The following STMP1 variants were observed in gnomAD, a reference collection of about 807,000 sequenced individuals.
STMP1 encodes the protein mitolamban.
A neutral mutation model predicts 7.0 loss-of-function variants in STMP1; 7 were observed. That is an observed-to-expected ratio of 1.01 (90% CI 0.57 to 1.89). The LOEUF is 1.89. STMP1 is among the 40% of genes most tolerant of loss of function. The probability of loss-of-function intolerance (pLI) is 0.00; values close to 1 mark genes in which losing one functional copy is unlikely to be tolerated. For synonymous variants in STMP1, 19 were observed against 18.4 expected (o/e 1.03, Z -0.08); for missense variants, 45 against 53.0 (o/e 0.85, Z 0.47).
intron 2 of STMP1, 35 bp from the exon 3 acceptor site, chr7:135,674,056 A>G (rs1334882873): frequency 9.6e-6 from 13 of 1,359,254 alleles, no homozygotes; most frequent in Non-Finnish European, 1.3e-5. Flanking sequence ...GATTAGGTAG[A>G]TGCAAAATTA....
intron 1 of STMP1, among the ~76,000 whole-genome samples, chr7:135,671,946 T>G (rs1795360689): frequency 6.6e-6 from 1 of 152,214 alleles, no homozygotes; most frequent in African/African-American, 2.4e-5. Context: ...GAAGAGTCCC[T>G]TCATTCTCTG....
In STMP1 at chr7:135,676,400, G is replaced by A. The variant is rs552164370; in HGVS notation, c.*2235G>A. The A allele has an allele frequency of 6.6e-6, 1 of 152,312 alleles. No homozygotes were observed. Among genetic ancestry groups the A allele is most frequent in the Admixed American group, 6.5e-5 (1 of 15,294 alleles). 9.4% of individuals were successfully genotyped at this position (152,312 alleles called of 1,614,324 possible). ...TGCTTTGCAGACTATCTAATAAATA[G>A]TAGCTATTAGTACAAACTTGTTGCT... On this transcript the variant is annotated 3_prime_UTR_variant, in exon 3 of 3. Coordinates refer to ENST00000507606, the MANE Select transcript of STMP1 (RefSeq NM_001130929.2).
intron 2 of STMP1, 53 bp downstream of exon 2, chr7:135,672,859 A>G: frequency 6.9e-7 from 1 of 1,457,100 alleles, no homozygotes; most frequent in Non-Finnish European, 9.4e-7. Context: ...TTTTAGAGTG[A>G]CTTTTCTTTG....
rs1042294159 is a variant in STMP1, at chr7:135,674,970, A to G, written c.*805A>G. 2 of 152,186 alleles carry G rather than the reference A, an allele frequency of 1.3e-5. No homozygotes were observed. Among genetic ancestry groups the G allele is most frequent in the African/African-American group, 4.8e-5 (2 of 41,446 alleles). 9.4% of individuals were successfully genotyped at this position (152,186 alleles called of 1,614,324 possible). On this transcript the variant is annotated 3_prime_UTR_variant, in exon 3 of 3. Coordinates refer to ENST00000507606, the MANE Select transcript of STMP1 (RefSeq NM_001130929.2). ...TATACCTTTTCACATTAAAAAAGGT[A>G]TTTATATTATTACTTTGTAGTGATT... is the stretch of plus-strand genomic sequence containing the variant.
chr7:135,667,588 C>G (rs1422488307), intron 1 of STMP1, among the ~76,000 whole-genome samples: 3 of 152,172 alleles, frequency 2.0e-5, no homozygotes, highest in Non-Finnish European at 4.4e-5. Context: ...GATACACATC[C>G]CTTATCAGAT....
chr7:135,668,338 G>A (rs909476125), intron 1 of STMP1, among the ~76,000 whole-genome samples: 4 of 152,166 alleles, frequency 2.6e-5, no homozygotes, highest in Admixed American at 6.5e-5. Flanking sequence ...TATAGGTACC[G>A]GGAGAGTGCT....
chr7:135,670,037 G>C (rs1484251272), intron 1 of STMP1, among the ~76,000 whole-genome samples: 3 of 152,138 alleles, frequency 2.0e-5, no homozygotes, highest in Non-Finnish European at 4.4e-5. Context: ...GGGGCTCTTA[G>C]CTCCAGTATC....
chr7:135,664,844 C>T (rs977134626), intron 1 of STMP1, among the ~76,000 whole-genome samples: 9 of 152,100 alleles, frequency 5.9e-5, no homozygotes, highest in African/African-American at 2.2e-4. Context: ...TGTGTGCAGT[C>T]ATTTCATCTA....
At chr7:135,671,039 T>G (rs752249899) in intron 1 of STMP1, among the ~76,000 whole-genome samples, 5 of 152,196 alleles carry the variant, frequency 3.3e-5, no homozygotes, top group Admixed American at 6.5e-5. Flanking sequence ...TCTCTTCTTT[T>G]AAGCAAATTT....
At chr7:135,665,271 C>T (rs912478896) in intron 1 of STMP1, among the ~76,000 whole-genome samples, 9 of 152,160 alleles carry the variant, frequency 5.9e-5, no homozygotes, top group Non-Finnish European at 1.5e-5. Context: ...TAAGATGTTT[C>T]TCCTACAGTT....
intron 1 of STMP1, among the ~76,000 whole-genome samples, chr7:135,667,025 A>G (rs1374522317): frequency 1.3e-5 from 2 of 152,228 alleles, no homozygotes; most frequent in Non-Finnish European, 1.5e-5. Context: ...ATCCTCGCCA[A>G]CATTTCGTGT....
intron 1 of STMP1, among the ~76,000 whole-genome samples, chr7:135,669,490 C>A (rs73721677): frequency 0.12 from 17,984 of 152,134 alleles, 1,260 homozygotes; most frequent in East Asian, 0.19. Flanking sequence ...TCTCTAAGGG[C>A]AGAGATCATT....
intron 1 of STMP1, among the ~76,000 whole-genome samples, chr7:135,667,344 T>C (rs1795306136): frequency 6.6e-6 from 1 of 152,202 alleles, no homozygotes; most frequent in African/African-American, 2.4e-5. Context: ...CCCGAGTAGC[T>C]GGGACTACAG....
intron 1 of STMP1, 51 bp from the exon 2 acceptor site, chr7:135,672,702 C>G: frequency 7.3e-7 from 1 of 1,363,942 alleles, no homozygotes; most frequent in Non-Finnish European, 1.0e-6. Flanking sequence ...TGGAATCAGA[C>G]TGGCACAGGA....
intron 2 of STMP1, 199 bp downstream of exon 2, chr7:135,673,005 A>G: frequency 1.8e-6 from 1 of 571,118 alleles, no homozygotes; most frequent in Non-Finnish European, 3.1e-6. Flanking sequence ...ATATCACCAC[A>G]AGAGGGCAAA....
intron 1 of STMP1, among the ~76,000 whole-genome samples, 191 bp downstream of exon 1, chr7:135,662,785 A>G (rs1174669579): frequency 6.6e-6 from 1 of 152,178 alleles, no homozygotes; most frequent in African/African-American, 2.4e-5. Context: ...TCCCTTTGCC[A>G]ATATTTTTCT....
intron 1 of STMP1, among the ~76,000 whole-genome samples, chr7:135,663,910 C>T (rs1000224094): frequency 3.9e-5 from 6 of 152,260 alleles, no homozygotes; most frequent in African/African-American, 1.4e-4. Context: ...TCCCAAAGTG[C>T]TGGGATTACA....
rs1239594309 is a variant in STMP1, at chr7:135,672,683, A to G, written c.16-70A>G. 9.7e-6 allele frequency: 11 copies of G among 1,128,460 alleles called. No homozygotes were observed. In the East Asian group the frequency reaches 1.5e-4, roughly 16 times the overall value. The allele number at this position is 1,128,460 out of a possible 1,614,324, so 69.9% of individuals were successfully genotyped here. A position where few individuals can be genotyped will look rare whatever the true frequency, so the allele number is the denominator to read the frequency against. On this transcript the variant is annotated intron_variant, in intron 1 of 2. Transcript: ENST00000507606. Reference sequence around the variant, plus strand: ...CTTCTTAGGAAGATATTGTCTATGTATTTTAGTTTGGAATCAGACTGGCAC... The same window carrying G: ...CTTCTTAGGAAGATATTGTCTATGTGTTTTAGTTTGGAATCAGACTGGCAC...
chr7:135,666,802 G>T (rs1454266226), intron 1 of STMP1, among the ~76,000 whole-genome samples: 2 of 152,064 alleles, frequency 1.3e-5, no homozygotes, highest in Non-Finnish European at 1.5e-5. Context: ...TCCACTTTTG[G>T]CTATGATGAG....
Sources: allele counts gnomAD v4.1 joint callset (sites outside exome capture counted in the v4.1 genomes callset), GRCh38; gene constraint gnomAD v4.1.1; transcripts MANE v1.5; gene names NCBI Gene and HGNC (gene_info 2026-07-23, HGNC 2026-07-21).